SLC38A7: variants seen among roughly 807,000 people sequenced by gnomAD.
SLC38A7 encodes the protein sodium-coupled neutral amino acid transporter 7.
Under a neutral mutation model 50.1 loss-of-function variants are expected in SLC38A7, and 29 were observed. The observed-to-expected ratio is 0.58, with a 90% CI of 0.43 to 0.79. The LOEUF is 0.79. Among genes scored for constraint, SLC38A7 ranks in the 30% least tolerant of loss-of-function variants. SLC38A7 has a pLI of 0.00. For synonymous variants in SLC38A7, 244 were observed against 245.9 expected (o/e 0.99, Z 0.07); for missense variants, 483 against 610.6 (o/e 0.79, Z 2.20).
At position 58,680,213 on chromosome 16, in the gene SLC38A7, G is replaced by A; in HGVS notation, c.-87C>T. ...GGAGCTGAGCAACACCCACCTGTTT[G>A]GGGCTGTTAGCTTAGGACTCTTCTC... On this transcript the variant is annotated 5_prime_UTR_variant, in exon 3 of 12. Transcript: ENST00000219320. 5.6e-6 allele frequency: 8 copies of A among 1,427,398 alleles called. No homozygotes were observed. The highest frequency in any genetic ancestry group is 7.4e-6 in the Non-Finnish European group (8 of 1,085,368). 88.4% of individuals were successfully genotyped at this position (1,427,398 alleles called of 1,614,324 possible). A position where few individuals can be genotyped will look rare whatever the true frequency, so the allele number is the denominator to read the frequency against.
At chr16:58,684,656 G>C (rs2044454197) in intron 1 of SLC38A7, 61 bp downstream of exon 1, 1 of 152,416 alleles carries the variant, frequency 6.6e-6, no homozygotes, top group Admixed American at 6.5e-5. Flanking sequence ...GGACTGAGGG[G>C]CTCCACAGAC....
intron 11 of SLC38A7, 125 bp downstream of exon 11, chr16:58,669,988 C>G (rs906025286): frequency 1.0e-5 from 8 of 775,780 alleles, no homozygotes; most frequent in Non-Finnish European, 1.6e-5. Flanking sequence ...AAAAAAAAAA[C>G]AAAACAAAAA....
Position 58,676,021 on chromosome 16 carries a change from T to C in SLC38A7, c.802A>G (p.Met268Val), listed in dbSNP as rs1161181691. ...HVSSVPVFNS[M>V]QQPEVKTWGG... ...CAGGTCTTCACTTCAGGCTGCTGCA[T>C]GCTGTTGAAGACGGGCACACTGCTG... The change falls in exon 8 of 12, where the codon ATG becomes GTG. Residue 268 changes from methionine (M) to valine (V), a missense_variant. Met to Val is a conservative substitution (Grantham distance 21). Transcript: ENST00000219320. 2 of 1,613,766 alleles carry C rather than the reference T, an allele frequency of 1.2e-6. No individual in the cohort carries two copies. The highest frequency in any genetic ancestry group is 1.7e-5 in the Admixed American group (1 of 59,980).
intron 9 of SLC38A7, chr16:58,671,475 G>C: frequency 1.7e-6 from 1 of 588,220 alleles, no homozygotes; most frequent in Non-Finnish European, 3.0e-6. Context: ...AACTGATATT[G>C]TTTTTTCCTT....
At chr16:58,675,346 GAA>G (rs58028000) in intron 8 of SLC38A7, 20,140 of 320,962 alleles carry the variant, frequency 0.063, 2,420 homozygotes, top group African/African-American at 0.36. Flanking sequence ...GTCTCTGCTA[GAA>G]AAAAAAAAAA....
chr16:58,675,912 C>T (rs2044253727), intron 8 of SLC38A7, 28 bp downstream of exon 8: 4 of 1,529,580 alleles, frequency 2.6e-6, no homozygotes, highest in Non-Finnish European at 3.5e-6. Context: ...CACTCTAGTC[C>T]CAGGTCTTGG....
In SLC38A7 at chr16:58,667,177, G is replaced by A. The variant is rs976843946; in HGVS notation, c.*208C>T. ...TGTGAGACTTCCTGCCGCCATCCAC[G>A]GCACTGCCAGGACTGGGGAGCAGGA... On this transcript the variant is annotated 3_prime_UTR_variant, in exon 12 of 12. Coordinates refer to ENST00000219320, the MANE Select transcript of SLC38A7 (RefSeq NM_018231.3). 3.1e-5 allele frequency: 16 copies of A among 519,602 alleles called. No individual in the cohort carries two copies. Among genetic ancestry groups the A allele is most frequent in the African/African-American group, 2.5e-4 (13 of 51,428 alleles). 32.2% of individuals were successfully genotyped at this position (519,602 alleles called of 1,614,324 possible). A position where few individuals can be genotyped will look rare whatever the true frequency, so the allele number is the denominator to read the frequency against.
At chr16:58,675,747 G>C (rs755023745) in intron 8 of SLC38A7, among the ~76,000 whole-genome samples, 193 bp downstream of exon 8, 2 of 152,130 alleles carry the variant, frequency 1.3e-5, no homozygotes, top group Non-Finnish European at 2.9e-5. Context: ...TAGAACTGGT[G>C]AATGAATGGA....
chr16:58,676,041 C>G lies in SLC38A7; in HGVS notation c.782G>C (p.Ser261Thr). 1 of 1,613,278 alleles carries G rather than the reference C, an allele frequency of 6.2e-7. No homozygotes were observed. Among genetic ancestry groups the G allele is most frequent in the Non-Finnish European group, 8.5e-7 (1 of 1,179,684 alleles). The change falls in exon 8 of 12, where the codon AGT becomes ACT. Residue 261 changes from serine to threonine, a missense_variant. Ser to Thr is a moderately conservative substitution (Grantham distance 58). Coordinates refer to ENST00000219320, the MANE Select transcript of SLC38A7 (RefSeq NM_018231.3). ...ICFGFQCHVS[S>T]VPVFNSMQQP... Reference sequence around the variant, plus strand: ...CTGCATGCTGTTGAAGACGGGCACACTGCTGACGTGGCACTGTCCAGGTGA... The same window carrying G: ...CTGCATGCTGTTGAAGACGGGCACAGTGCTGACGTGGCACTGTCCAGGTGA...
At chr16:58,672,038 C>G in intron 9 of SLC38A7, 58 bp downstream of exon 9, 1 of 1,437,286 alleles carries the variant, frequency 7.0e-7, no homozygotes, top group Admixed American at 2.6e-5. Context: ...GCCAAAGGAC[C>G]ATGTTGGAAG....
At chr16:58,682,955 A>C (rs549089656) in intron 2 of SLC38A7, among the ~76,000 whole-genome samples, 1 of 151,870 alleles carries the variant, frequency 6.6e-6, no homozygotes, top group East Asian at 1.9e-4. Context: ...TCCTGTGGGG[A>C]ACAAAATTGG....
chr16:58,667,411 C>A lies in SLC38A7; in HGVS notation c.1363G>T (p.Ala455Ser). The part of the protein sequence containing the change: ...AFIFGQTTAN[A>S]IFVDLLA ...TATGCCAAGAGATCCACAAAGATGG[C>A]GTTGGCTGTGGTCTGGCCGAAGATG... is the stretch of plus-strand genomic sequence containing the variant. The change falls in exon 12 of 12, where the codon GCC (alanine) becomes TCC (serine). Residue 455 changes from alanine to serine, a missense_variant. Physicochemically the swap from Ala to Ser is moderately conservative, Grantham distance 99. Transcript: ENST00000219320. 2 of 1,614,066 alleles carry A rather than the reference C, an allele frequency of 1.2e-6. No individual in the cohort carries two copies.
rs1383817266 is a variant in SLC38A7, at chr16:58,672,129, A to G, written c.998T>C (p.Leu333Pro). The G allele has an allele frequency of 4.5e-6, 7 of 1,560,310 alleles. No individual in the cohort carries two copies. Among genetic ancestry groups the G allele is most frequent in the Non-Finnish European group, 6.1e-6 (7 of 1,152,256 alleles). The change falls in exon 9 of 12, where the codon CTC becomes CCC. Residue 333 changes from leucine (L) to proline (P), a missense_variant. Leu to Pro is a moderately conservative substitution (Grantham distance 98). Coordinates refer to ENST00000219320, the MANE Select transcript of SLC38A7 (RefSeq NM_018231.3). ...VARAFIILSV[L>P]TSYPILHFCG... ...GAAGTGCAGGATAGGGTAGGAGGTGAGCACGCTCAGGATGATGAAGGCTCG... is the reference window on the plus strand; with the variant it reads ...GAAGTGCAGGATAGGGTAGGAGGTGGGCACGCTCAGGATGATGAAGGCTCG...
intron 2 of SLC38A7, among the ~76,000 whole-genome samples, chr16:58,680,502 A>C (rs1014993872): frequency 6.6e-6 from 1 of 152,192 alleles, no homozygotes; most frequent in African/African-American, 2.4e-5. Context: ...TCAGCACTCG[A>C]TAGAGGCCCC....
rs61731532 is a variant in SLC38A7, at chr16:58,680,133, G to A, written c.-7C>T. 21,435 of 1,516,064 alleles carry A rather than the reference G, an allele frequency of 0.014. 307 individuals carry two copies. The highest frequency in any genetic ancestry group is 0.074 in the African/African-American group (5,338 of 71,872). The allele number at this position is 1,516,064 out of a possible 1,614,324, so 93.9% of individuals were successfully genotyped here. ...TGATGCTGACCTGGGCCATGGCCCCGAGAGCCTTCTTCCTGCAAGGTCTGT... is the reference window on the plus strand; with the variant it reads ...TGATGCTGACCTGGGCCATGGCCCCAAGAGCCTTCTTCCTGCAAGGTCTGT... On this transcript the variant is annotated 5_prime_UTR_variant, in exon 3 of 12. Transcript: ENST00000219320.
Position 58,678,233 on chromosome 16 carries a change from A to G in SLC38A7, c.611+100T>C. On this transcript the variant is annotated intron_variant, in intron 5 of 11. Coordinates refer to ENST00000219320, the MANE Select transcript of SLC38A7 (RefSeq NM_018231.3). The surrounding 1 kb of genome is among the most constrained non-coding windows in gnomAD (Gnocchi z 4.0). ...CTGCCTTGCCTACTCTTGCTCCCCA[A>G]GGTGAGGTGGCATGGAGGAGCAGGG... 2 of 1,379,882 alleles carry G rather than the reference A, an allele frequency of 1.4e-6. No homozygotes were observed. The highest frequency in any genetic ancestry group is 1.9e-6 in the Non-Finnish European group (2 of 1,040,832). 85.5% of individuals were successfully genotyped at this position (1,379,882 alleles called of 1,614,324 possible).
chr16:58,683,197 C>T (rs1485458509), intron 2 of SLC38A7, among the ~76,000 whole-genome samples: 1 of 152,106 alleles, frequency 6.6e-6, no homozygotes, highest in Non-Finnish European at 1.5e-5. Context: ...TCTTTATAGC[C>T]CAGAGGGAAA....
intron 2 of SLC38A7, chr16:58,681,541 A>G (rs1222715613): frequency 6.6e-6 from 1 of 152,054 alleles, no homozygotes; most frequent in East Asian, 1.9e-4. Flanking sequence ...CAGAGAAATG[A>G]TGGTCCTAAA....
At chr16:58,669,103 C>CTTTTTT (rs71155293) in intron 11 of SLC38A7, among the ~76,000 whole-genome samples, 3 of 54,622 alleles carry the variant, frequency 5.5e-5, no homozygotes, top group Non-Finnish European at 9.4e-5. Context: ...GTTTGTATGG[C>CTTTTTT]TTTTTTTTTT....
Sources: allele counts gnomAD v4.1 joint callset (sites outside exome capture counted in the v4.1 genomes callset), GRCh38; gene constraint gnomAD v4.1.1; non-coding constraint Gnocchi (gnomAD v3.1); transcripts MANE v1.5; gene names NCBI Gene and HGNC (gene_info 2026-07-23, HGNC 2026-07-21).